ALK: variants seen among roughly 807,000 people sequenced by gnomAD.
ALK encodes the protein ALK receptor tyrosine kinase.
A neutral mutation model predicts 163.1 loss-of-function variants in ALK; 74 were observed. The observed-to-expected ratio is 0.45, with a 90% CI of 0.38 to 0.55. The LOEUF is 0.55. Among genes scored for constraint, ALK ranks in the 20% least tolerant of loss-of-function variants. The pLI is 0.00. For synonymous variants in ALK, 960 were observed against 843.2 expected (o/e 1.14, Z -2.40); for missense variants, 2,063 against 2,105.3 (o/e 0.98, Z 0.39).
At chr2:29,674,419 T>C (rs1452642685) in intron 3 of ALK, among the ~76,000 whole-genome samples, 1 of 151,408 alleles carries the variant, frequency 6.6e-6, no homozygotes, top group East Asian at 2.0e-4. Flanking sequence ...CTTTTCTGCA[T>C]CTATTGAGAT....
rs771725320 is a variant in ALK at position 29,227,608 on chromosome 2, AC to A, written c.2879del (p.Ser960IlefsTer11). On this transcript the variant is annotated frameshift_variant, in exon 17 of 29. Coordinates refer to ENST00000389048, the MANE Select transcript of ALK (RefSeq NM_004304.5). LOFTEE classifies it high-confidence loss of function. The surrounding 1 kb of genome is among the most constrained non-coding windows in gnomAD (Gnocchi z 4.4). ...MDGEDGVSFI[S>X]PLGILYTPAL... ...CTGGGGTGTACAGGATGCCCAGTGG[AC>A]TGATGAAGGAAACCCCATCTTCCCC... 6.8e-6 allele frequency: 11 copies of A among 1,613,954 alleles called. No homozygotes were observed. Among genetic ancestry groups the A allele is most frequent in the Non-Finnish European group, 9.3e-6 (11 of 1,180,016 alleles).
intron 4 of ALK, among the ~76,000 whole-genome samples, chr2:29,406,640 G>C (rs112188220): frequency 5.9e-5 from 9 of 152,228 alleles, no homozygotes; most frequent in Admixed American, 2.0e-4. Flanking sequence ...GGTGGATCAC[G>C]CCTGTAATTC....
At chr2:29,210,992 G>C (rs965799649) in intron 24 of ALK, among the ~76,000 whole-genome samples, 3 of 152,180 alleles carry the variant, frequency 2.0e-5, no homozygotes, top group Non-Finnish European at 4.4e-5. Flanking sequence ...TTAAGGTCCT[G>C]TGCAGGAAAA....
At chr2:29,835,347 A>T (rs1194381888) in intron 1 of ALK, among the ~76,000 whole-genome samples, 2 of 152,168 alleles carry the variant, frequency 1.3e-5, no homozygotes, top group African/African-American at 4.8e-5. Flanking sequence ...TACTGAAACC[A>T]CCAGCATTTC....
intron 1 of ALK, among the ~76,000 whole-genome samples, chr2:29,867,795 T>A (rs183065485): frequency 6.6e-6 from 1 of 152,262 alleles, no homozygotes; most frequent in Non-Finnish European, 1.5e-5. Context: ...GCAAATGGGA[T>A]CCCCTATATT....
chr2:29,763,643 C>T (rs1335161315), intron 1 of ALK, among the ~76,000 whole-genome samples: 1 of 152,180 alleles, frequency 6.6e-6, no homozygotes. Flanking sequence ...ACTAGAGTGC[C>T]TGCCTGGCAG....
intron 4 of ALK, among the ~76,000 whole-genome samples, chr2:29,387,534 G>T (rs931730503): frequency 6.6e-5 from 10 of 152,184 alleles, no homozygotes; most frequent in Non-Finnish European, 1.3e-4. Flanking sequence ...GTGGATTTGC[G>T]TGGGCTTGGG....
chr2:29,367,593 A>G (rs141048951), intron 5 of ALK, among the ~76,000 whole-genome samples: 1 of 152,342 alleles, frequency 6.6e-6, no homozygotes, highest in East Asian at 1.9e-4. Flanking sequence ...AGATCCTCAG[A>G]GCAGTGGCAA....
chr2:29,226,212 C>T (rs1395122376), intron 18 of ALK, among the ~76,000 whole-genome samples: 1 of 151,938 alleles, frequency 6.6e-6, no homozygotes, highest in Non-Finnish European at 1.5e-5. Context: ...GGTGCGGTGG[C>T]TCACACCTGT....
At chr2:29,829,043 T>C (rs1665285099) in intron 1 of ALK, among the ~76,000 whole-genome samples, 1 of 151,556 alleles carries the variant, frequency 6.6e-6, no homozygotes. Context: ...GAAACCATCA[T>C]TCTCAGCAAA....
rs967720112 is a variant in ALK at position 29,859,305 on chromosome 2, T to C, written c.667+60688A>G. Among the ~76,000 whole-genome samples the C allele has an allele frequency of 4.6e-5, 7 of 152,326 alleles. No homozygotes were observed. The South Asian group carries it at 8.3e-4, about 18-fold the overall frequency. ...GTTCAGCAGGAGGTCAGGTCTGGGATGGGAGTCAGGCCAGGCATGAAAGAG... is the reference window on the plus strand; with the variant it reads ...GTTCAGCAGGAGGTCAGGTCTGGGACGGGAGTCAGGCCAGGCATGAAAGAG... On this transcript the variant is annotated intron_variant, in intron 1 of 28. Coordinates refer to ENST00000389048, the MANE Select transcript of ALK (RefSeq NM_004304.5).
At chr2:29,657,947 C>A (rs949064329) in intron 3 of ALK, among the ~76,000 whole-genome samples, 3 of 152,084 alleles carry the variant, frequency 2.0e-5, no homozygotes, top group African/African-American at 7.2e-5. Flanking sequence ...CACTTTGGGT[C>A]ACTTGCTGGA....
rs1669333746 is a variant in ALK at position 29,207,190 on chromosome 2, T to G, written c.3919A>C (p.Thr1307Pro). 1 of 1,613,912 alleles carries G rather than the reference T, an allele frequency of 6.2e-7. No individual in the cohort carries two copies. Among genetic ancestry groups the G allele is most frequent in the Non-Finnish European group, 8.5e-7 (1 of 1,179,848 alleles). The change falls in exon 26 of 29, where the codon ACT becomes CCT. Residue 1307 changes from threonine (T) to proline (P), a missense_variant. Physicochemically the swap from Thr to Pro is conservative, Grantham distance 38. This residue lies in a region of ALK where 83 missense variants were observed against 139.7 expected (regional missense o/e 0.59). Transcript: ENST00000389048. The stretch of plus-strand genomic sequence containing the variant: ...ACTTACCATGTGTCTGTTTTAGAAG[T>G]GAATATTCCTTCCATGAAGGCCTCT... ...PPEAFMEGIF[T>P]SKTDTWSFGV...
chr2:29,427,197 A>G (rs1047934982), intron 4 of ALK, among the ~76,000 whole-genome samples: 1 of 152,042 alleles, frequency 6.6e-6, no homozygotes, highest in Non-Finnish European at 1.5e-5. Flanking sequence ...AGGAAAGCAC[A>G]CCTGATAGTA....
At chr2:29,478,333 T>C (rs1392374105) in intron 4 of ALK, among the ~76,000 whole-genome samples, 1 of 152,222 alleles carries the variant, frequency 6.6e-6, no homozygotes, top group Non-Finnish European at 1.5e-5. Flanking sequence ...TGATCCTGCT[T>C]TCGTATAAAG....
chr2:29,816,257 T>G (rs1664894259), intron 1 of ALK, among the ~76,000 whole-genome samples: 1 of 152,198 alleles, frequency 6.6e-6, no homozygotes, highest in African/African-American at 2.4e-5. Flanking sequence ...AGACAGAGGT[T>G]CACCTGGGTG....
intron 1 of ALK, among the ~76,000 whole-genome samples, chr2:29,892,730 A>G (rs978208320): frequency 1.3e-5 from 2 of 152,194 alleles, no homozygotes; most frequent in African/African-American, 2.4e-5. Flanking sequence ...CCCACACTCC[A>G]GACTGACTCT....
At chr2:29,643,983 G>A (rs965585741) in intron 3 of ALK, among the ~76,000 whole-genome samples, 1 of 152,012 alleles carries the variant, frequency 6.6e-6, no homozygotes, top group Non-Finnish European at 1.5e-5. Flanking sequence ...CAACAGCAAA[G>A]ACTTGGAACC....
At chr2:29,402,195 C>A (rs1399284036) in intron 4 of ALK, among the ~76,000 whole-genome samples, 1 of 152,250 alleles carries the variant, frequency 6.6e-6, no homozygotes, top group Non-Finnish European at 1.5e-5. Context: ...CAGCCCGTGC[C>A]TGTTACACAG....
Sources: gnomAD v4.1 joint callset for allele counts (sites outside exome capture counted in the v4.1 genomes callset) on GRCh38, gnomAD v4.1.1 for gene constraint, gnomAD v4.1.1 regional missense constraint, Gnocchi (gnomAD v3.1) non-coding constraint, MANE v1.5 for transcripts, NCBI Gene and HGNC (gene_info 2026-07-23, HGNC 2026-07-21) for gene names.